DGKB: variants seen among roughly 807,000 people sequenced by gnomAD.
The protein encoded by DGKB is 90 kDa diacylglycerol kinase.
DGKB carries 67 observed loss-of-function variants against 114.3 expected under a neutral mutation model. The ratio of observed to expected loss-of-function variants is 0.59; its 90% confidence interval spans 0.48 to 0.72. DGKB has a LOEUF of 0.72. DGKB is among the 30% of genes least tolerant of loss of function. The probability of loss-of-function intolerance (pLI) is 0.00; values close to 1 mark genes in which losing one functional copy is unlikely to be tolerated. For synonymous variants in DGKB, 398 were observed against 323.1 expected (o/e 1.23, Z -2.49); for missense variants, 907 against 975.2 (o/e 0.93, Z 0.93).
At chr7:14,696,910 C>T (rs1025363923) in intron 8 of DGKB, among the ~76,000 whole-genome samples, 6 of 152,120 alleles carry the variant, frequency 3.9e-5, no homozygotes, top group Non-Finnish European at 7.3e-5. Context: ...ATACTCATGC[C>T]ATTATCCTGT....
intron 17 of DGKB, among the ~76,000 whole-genome samples, chr7:14,601,993 C>T (rs1473905501): frequency 2.0e-5 from 3 of 151,930 alleles, no homozygotes; most frequent in Non-Finnish European, 4.4e-5. Context: ...TCTCCTCCTC[C>T]TCATCCTCCA....
chr7:14,620,445 A>G (rs965739919), intron 15 of DGKB, among the ~76,000 whole-genome samples: 1 of 151,598 alleles, frequency 6.6e-6, no homozygotes, highest in South Asian at 2.1e-4. Flanking sequence ...GAAAAAATAC[A>G]AAAGACATAA....
chr7:14,300,043 G>A (rs1284844998), intron 23 of DGKB, among the ~76,000 whole-genome samples: 1 of 151,902 alleles, frequency 6.6e-6, no homozygotes, highest in African/African-American at 2.4e-5. Context: ...AGACATACAC[G>A]GAAGAATATG....
chr7:14,797,850 C>G (rs1335231114), intron 2 of DGKB, among the ~76,000 whole-genome samples: 1 of 152,068 alleles, frequency 6.6e-6, no homozygotes, highest in African/African-American at 2.4e-5. Context: ...AGGGTTACAG[C>G]TATTTTACTC....
At chr7:14,184,040 A>G (rs1464943655) in intron 23 of DGKB, among the ~76,000 whole-genome samples, 5 of 152,134 alleles carry the variant, frequency 3.3e-5, no homozygotes, top group Admixed American at 3.3e-4. Context: ...CTGACAGTCC[A>G]TTTGCAGGAG....
chr7:14,768,086 T>C (rs537236250), intron 2 of DGKB, among the ~76,000 whole-genome samples: 1 of 152,014 alleles, frequency 6.6e-6, no homozygotes, highest in Non-Finnish European at 1.5e-5. Context: ...CCTGTGAGCA[T>C]ATACATTTTA....
intron 17 of DGKB, among the ~76,000 whole-genome samples, chr7:14,593,298 G>A (rs1801999407): frequency 6.6e-6 from 1 of 151,786 alleles, no homozygotes; most frequent in South Asian, 2.1e-4. Flanking sequence ...TTATTCCTGG[G>A]GAACCTATAA....
chr7:14,373,985 C>T (rs895242761), intron 21 of DGKB, among the ~76,000 whole-genome samples: 1 of 152,088 alleles, frequency 6.6e-6, no homozygotes, highest in African/African-American at 2.4e-5. Flanking sequence ...ATTTCCTCTG[C>T]TGAGGTCCCC....
chr7:14,335,281 G>C (rs1211734706), intron 23 of DGKB, among the ~76,000 whole-genome samples: 1 of 151,978 alleles, frequency 6.6e-6, no homozygotes, highest in East Asian at 1.9e-4. Context: ...AAATAAAAGA[G>C]TAAACTTTAA....
intron 23 of DGKB, among the ~76,000 whole-genome samples, chr7:14,201,272 TAATC>T (rs142129838): frequency 0.03 from 4,603 of 151,972 alleles, 237 homozygotes; most frequent in African/African-American, 0.1. Flanking sequence ...CCTCATAACT[TAATC>T]AACTCCCAAA....
chr7:14,445,538 A>C (rs919678169), intron 21 of DGKB, among the ~76,000 whole-genome samples: 2 of 152,046 alleles, frequency 1.3e-5, no homozygotes, highest in African/African-American at 4.8e-5. Flanking sequence ...AAAGAAGAAG[A>C]AACAGCAGAA....
At chr7:14,540,164 C>T (rs1793187498) in intron 20 of DGKB, among the ~76,000 whole-genome samples, 1 of 152,014 alleles carries the variant, frequency 6.6e-6, no homozygotes, top group Non-Finnish European at 1.5e-5. Flanking sequence ...GGAACATTCC[C>T]ATACATCATT....
intron 20 of DGKB, among the ~76,000 whole-genome samples, chr7:14,521,448 G>C (rs1469629984): frequency 1.3e-5 from 2 of 152,070 alleles, no homozygotes; most frequent in Non-Finnish European, 2.9e-5. Context: ...GTTGATTTTA[G>C]AGTGCTGTAG....
chr7:14,481,661 T>C (rs1783008582), intron 20 of DGKB, among the ~76,000 whole-genome samples: 1 of 151,994 alleles, frequency 6.6e-6, no homozygotes, highest in Non-Finnish European at 1.5e-5. Context: ...AAAATCTAAT[T>C]TTAGAATTAA....
chr7:14,662,584 AC>A (rs1817344700), intron 13 of DGKB, among the ~76,000 whole-genome samples: 1 of 152,008 alleles, frequency 6.6e-6, no homozygotes, highest in South Asian at 2.1e-4. Flanking sequence ...AAGATGCTAG[AC>A]AAAAACAGTT....
At chr7:14,435,113 A>G (rs1451562058) in intron 21 of DGKB, among the ~76,000 whole-genome samples, 1 of 152,132 alleles carries the variant, frequency 6.6e-6, no homozygotes, top group Non-Finnish European at 1.5e-5. Context: ...TGTTAATTCA[A>G]ACTAGCTCTT....
At chr7:14,729,123 C>CTTTCTTTTTTTTTTTTTTTTTTTTTTT (rs1463141725) in intron 5 of DGKB, among the ~76,000 whole-genome samples, 5 of 113,420 alleles carry the variant, frequency 4.4e-5, no homozygotes, top group Admixed American at 9.6e-5. Context: ...CATTTTCTTT[C>CTTTCTTTTTTTTTTTTTTTTTTTTTTT]TTTTTTTTTT....
At chr7:14,923,446 C>G (rs528351455) in intron 1 of DGKB, among the ~76,000 whole-genome samples, 1 of 152,140 alleles carries the variant, frequency 6.6e-6, no homozygotes, top group Non-Finnish European at 1.5e-5. Context: ...TTAAACAAGT[C>G]ACTTTTCCAC....
intron 7 of DGKB, among the ~76,000 whole-genome samples, chr7:14,700,097 A>C (rs2129008571): frequency 6.6e-6 from 1 of 152,276 alleles, no homozygotes. Context: ...AAGAAATTAA[A>C]ATTTCTAGTC....
Sources: gnomAD v4.1 joint callset for allele counts (sites outside exome capture counted in the v4.1 genomes callset) on GRCh38, gnomAD v4.1.1 for gene constraint, MANE v1.5 for transcripts, NCBI Gene and HGNC (gene_info 2026-07-23, HGNC 2026-07-21) for gene names.